Variants in SENP7 observed in about 807,000 individuals in gnomAD.
SENP7 encodes the protein sentrin-specific protease 7.
In SENP7, 64 loss-of-function variants were observed where a neutral mutation model predicts 141.2. That is an observed-to-expected ratio of 0.45 (90% CI 0.37 to 0.56). The LOEUF (loss-of-function observed/expected upper bound fraction) is 0.56, where lower values mean the gene tolerates loss of function less well. Ranked by LOEUF, SENP7 falls within the 20% of genes least tolerant of loss-of-function variation. SENP7 has a pLI of 0.00. For missense variants in SENP7, 1,025 were observed against 1,212.2 expected (o/e 0.85, Z 2.29); for synonymous variants, 382 against 426.4 (o/e 0.90, Z 1.28).
At chr3:101,453,715 G>T (rs945823610) in intron 4 of SENP7, among the ~76,000 whole-genome samples, 11 of 151,948 alleles carry the variant, frequency 7.2e-5, no homozygotes, top group Non-Finnish European at 1.2e-4. Flanking sequence ...GGGGCCTGTT[G>T]TGGGGTGGGG....
chr3:101,347,136 C>T (rs1158747275), intron 13 of SENP7, among the ~76,000 whole-genome samples: 1 of 151,406 alleles, frequency 6.6e-6, no homozygotes, highest in African/African-American at 2.4e-5. Flanking sequence ...GTGGGAGGAT[C>T]ACATGAGCCC....
chr3:101,483,493 T>C (rs972941461), intron 3 of SENP7, among the ~76,000 whole-genome samples: 5 of 151,686 alleles, frequency 3.3e-5, no homozygotes, highest in African/African-American at 9.7e-5. Context: ...GGGAAAAGGG[T>C]TGAAAAACTA....
At chr3:101,420,360 T>G (rs545164627) in intron 4 of SENP7, among the ~76,000 whole-genome samples, 2 of 131,946 alleles carry the variant, frequency 1.5e-5, no homozygotes, top group South Asian at 5.0e-4. Flanking sequence ...AGAGCGAGAC[T>G]CCGTCTCAAA....
Position 101,411,996 on chromosome 3 carries a change from A to G in SENP7, c.482+5597T>C, listed in dbSNP as rs188550523. On this transcript the variant is annotated intron_variant, in intron 5 of 23. Transcript: ENST00000394095. ...TTCTCTCTGACTCTTAGTTTTCTCA[A>G]TTGCAAACTACAGGTTCCTTCCTTG... Among the ~76,000 whole-genome samples, 318 of 152,222 alleles carry G rather than the reference A, an allele frequency of 2.1e-3. 1 individual carries two copies. The highest frequency in any genetic ancestry group is 7.4e-3 in the African/African-American group (308 of 41,548).
chr3:101,482,390 A>C (rs986127664), intron 3 of SENP7, among the ~76,000 whole-genome samples: 2 of 152,202 alleles, frequency 1.3e-5, no homozygotes, highest in African/African-American at 4.8e-5. Context: ...GAGGAAAGCT[A>C]CAAAACTGTG....
chr3:101,503,562 C>T, intron 1 of SENP7, among the ~76,000 whole-genome samples: 1 of 152,182 alleles, frequency 6.6e-6, no homozygotes, highest in East Asian at 1.9e-4. Context: ...CTCAGGCATG[C>T]TCAAAGGAAA....
intron 4 of SENP7, chr3:101,457,338 T>C (rs559061349): frequency 1.5e-5 from 21 of 1,398,826 alleles, no homozygotes; most frequent in South Asian, 1.4e-4. Flanking sequence ...TGCTTTTCCA[T>C]CCATGGATTG....
rs565656998 is a variant in SENP7 at position 101,406,931 on chromosome 3, A to G, written c.483-7876T>C. Among the ~76,000 whole-genome samples, 12 of 152,322 alleles carry G rather than the reference A, an allele frequency of 7.9e-5. No individual in the cohort carries two copies. In the South Asian group the frequency reaches 2.5e-3, roughly 32 times the overall value. On this transcript the variant is annotated intron_variant, in intron 5 of 23. Coordinates refer to ENST00000394095, the MANE Select transcript of SENP7 (RefSeq NM_020654.5). ...GCCCTATCTTCACCCTCCTCAAACA[A>G]AACAATTATCAGCCAAGAATTTTGT...
At chr3:101,346,218 TTAC>T (rs1380286045) in intron 13 of SENP7, among the ~76,000 whole-genome samples, 2 of 152,106 alleles carry the variant, frequency 1.3e-5, no homozygotes, top group Non-Finnish European at 2.9e-5. Flanking sequence ...CGATACCACC[TTAC>T]TCCCACAAGA....
In SENP7 at chr3:101,513,112, C is replaced by G. The variant is rs367645612; in HGVS notation, c.19G>C (p.Gly7Arg). The change falls in exon 1 of 24, where the codon GGG (glycine) becomes CGG (arginine). Residue 7 changes from glycine to arginine, a missense_variant. This residue lies in a region of SENP7 where 496 missense variants were observed against 503.5 expected (regional missense o/e 0.99). Transcript: ENST00000394095. ...TCACCGGATGAAGATGGCCGTCGCC[C>G]GAGCTTTCTCTTGTCCATCTTCTCC... MDKRKLGRRPSSSEIIT... is the reference protein window; with the variant it reads MDKRKLRRRPSSSEIIT... 6.2e-7 allele frequency: 1 copy of G among 1,613,004 alleles called. No individual in the cohort carries two copies. Among genetic ancestry groups the G allele is most frequent in the South Asian group, 1.1e-5 (1 of 91,034 alleles).
chr3:101,387,414 C>T (rs145870182), intron 6 of SENP7, among the ~76,000 whole-genome samples: 5 of 152,292 alleles, frequency 3.3e-5, no homozygotes, highest in African/African-American at 9.6e-5. Context: ...ACTGTCAACA[C>T]GTCTAAGGAT....
intron 3 of SENP7, among the ~76,000 whole-genome samples, chr3:101,490,214 A>T (rs921702306): frequency 6.6e-6 from 1 of 152,114 alleles, no homozygotes. Context: ...CAAACAAAAA[A>T]AAAAAGAGCC....
chr3:101,457,963 T>A (rs1042484384), intron 4 of SENP7, among the ~76,000 whole-genome samples: 1 of 152,242 alleles, frequency 6.6e-6, no homozygotes, highest in Non-Finnish European at 1.5e-5. Context: ...TAATTAAAAA[T>A]TACCATTCCT....
intron 3 of SENP7, among the ~76,000 whole-genome samples, chr3:101,460,656 T>C (rs2063516083): frequency 1.3e-5 from 2 of 152,034 alleles, no homozygotes; most frequent in Non-Finnish European, 2.9e-5. Flanking sequence ...ACTTCACAGA[T>C]ATGACCAAAA....
At chr3:101,361,959 A>C in intron 10 of SENP7, 98 bp from the exon 11 acceptor site, 2 of 1,335,148 alleles carry the variant, frequency 1.5e-6, no homozygotes, top group Non-Finnish European at 2.0e-6. Context: ...AATTACTATT[A>C]GTGAATTTTT....
intron 4 of SENP7, among the ~76,000 whole-genome samples, chr3:101,432,702 T>A (rs2062230668): frequency 6.6e-6 from 1 of 152,214 alleles, no homozygotes; most frequent in African/African-American, 2.4e-5. Context: ...TCTCTATGAG[T>A]CTGTAAGAAT....
At chr3:101,481,948 C>G (rs1362266419) in intron 3 of SENP7, among the ~76,000 whole-genome samples, 1 of 152,148 alleles carries the variant, frequency 6.6e-6, no homozygotes, top group Non-Finnish European at 1.5e-5. Context: ...AATCACCTTC[C>G]TATATGCCTG....
intron 6 of SENP7, among the ~76,000 whole-genome samples, chr3:101,380,125 A>G (rs1249004439): frequency 6.6e-6 from 1 of 152,172 alleles, no homozygotes; most frequent in Non-Finnish European, 1.5e-5. Flanking sequence ...CATGAAATAA[A>G]TCATAGAAAC....
chr3:101,455,440 A>G (rs2063318362), intron 4 of SENP7, among the ~76,000 whole-genome samples: 1 of 152,182 alleles, frequency 6.6e-6, no homozygotes, highest in Admixed American at 6.5e-5. Context: ...CGTAATTATA[A>G]ATAGAGGGTT....
Sources: gnomAD v4.1 joint callset for allele counts (sites outside exome capture counted in the v4.1 genomes callset) on GRCh38, gnomAD v4.1.1 for gene constraint, gnomAD v4.1.1 regional missense constraint, MANE v1.5 for transcripts, NCBI Gene and HGNC (gene_info 2026-07-23, HGNC 2026-07-21) for gene names.